CERS6: variants seen among roughly 807,000 people sequenced by gnomAD.
The protein encoded by CERS6 is LAG1 homolog, ceramide synthase 6.
In CERS6, 26 loss-of-function variants were observed where a neutral mutation model predicts 56.8. The observed-to-expected ratio is 0.46, with a 90% CI of 0.34 to 0.63. The LOEUF is 0.63. Among genes scored for constraint, CERS6 ranks in the 30% least tolerant of loss-of-function variants. The pLI is 0.01. For synonymous variants in CERS6, 164 were observed against 173.3 expected (o/e 0.95, Z 0.42); for missense variants, 415 against 467.5 (o/e 0.89, Z 1.04).
chr2:168,491,718 G>T (rs1222188309), intron 1 of CERS6, among the ~76,000 whole-genome samples: 1 of 152,014 alleles, frequency 6.6e-6, no homozygotes, highest in Non-Finnish European at 1.5e-5. Flanking sequence ...TGCCATGGTG[G>T]TTTGCTGCAC....
chr2:168,664,279 T>C (rs1171659980), intron 4 of CERS6, among the ~76,000 whole-genome samples: 2 of 152,174 alleles, frequency 1.3e-5, no homozygotes, highest in Non-Finnish European at 2.9e-5. Context: ...CTTCCTTATC[T>C]CTTCCTGCAC....
At chr2:168,583,277 G>C (rs752142193) in intron 3 of CERS6, among the ~76,000 whole-genome samples, 3 of 152,180 alleles carry the variant, frequency 2.0e-5, no homozygotes, top group Non-Finnish European at 2.9e-5. Flanking sequence ...GTTGATTGAC[G>C]GGCATGTCCT....
chr2:168,679,509 T>C (rs1037624737), intron 4 of CERS6, among the ~76,000 whole-genome samples: 10 of 152,220 alleles, frequency 6.6e-5, no homozygotes, highest in African/African-American at 2.4e-4. Flanking sequence ...TATTAGGGGT[T>C]GTTAAAATAG....
intron 3 of CERS6, among the ~76,000 whole-genome samples, chr2:168,578,341 A>G (rs1414658498): frequency 6.6e-6 from 1 of 152,136 alleles, no homozygotes; most frequent in Non-Finnish European, 1.5e-5. Flanking sequence ...CCATGTTCAT[A>G]AAGTACTTTT....
chr2:168,626,212 C>A (rs1205282310), intron 3 of CERS6, among the ~76,000 whole-genome samples: 1 of 152,080 alleles, frequency 6.6e-6, no homozygotes, highest in East Asian at 1.9e-4. Flanking sequence ...TAAATGACTT[C>A]CTATTTGTAA....
At position 168,488,202 on chromosome 2, in the gene CERS6, A is replaced by G. The variant is rs188522450; in HGVS notation, c.170+31584A>G. Among the ~76,000 whole-genome samples the G allele has an allele frequency of 2.6e-4, 39 of 152,282 alleles. No homozygotes were observed. The East Asian group carries it at 7.5e-3, about 29-fold the overall frequency. On this transcript the variant is annotated intron_variant, in intron 1 of 9. Transcript: ENST00000305747. ...GATGGTAAGTTCATAAAGTGAAGGG[A>G]TATGTTGATATATTTTATAAATTGT...
intron 3 of CERS6, among the ~76,000 whole-genome samples, chr2:168,585,081 T>C (rs1337275679): frequency 6.6e-6 from 1 of 152,258 alleles, no homozygotes; most frequent in African/African-American, 2.4e-5. Flanking sequence ...ATTCTTCCAG[T>C]TGAAGTGGTA....
At chr2:168,668,702 C>T (rs968692188) in intron 4 of CERS6, among the ~76,000 whole-genome samples, 10 of 152,132 alleles carry the variant, frequency 6.6e-5, no homozygotes, top group Admixed American at 2.6e-4. Context: ...AATCTGCCCA[C>T]CTCGGCCTCC....
chr2:168,733,648 A>C (rs1683620179), intron 8 of CERS6, among the ~76,000 whole-genome samples: 1 of 152,230 alleles, frequency 6.6e-6, no homozygotes. Flanking sequence ...AAGTTAAGAG[A>C]TAAGCAGCTC....
At chr2:168,746,775 G>GTACATATA in intron 8 of CERS6, among the ~76,000 whole-genome samples, 1 of 39,034 alleles carries the variant, frequency 2.6e-5, no homozygotes, top group African/African-American at 7.7e-5. Context: ...AGGGTAAAGG[G>GTACATATA]TATATATATA....
At chr2:168,459,607 T>C (rs370507798) in intron 1 of CERS6, among the ~76,000 whole-genome samples, 31 of 152,074 alleles carry the variant, frequency 2.0e-4, no homozygotes, top group African/African-American at 7.0e-4. Context: ...TAGCGACCAA[T>C]TGATTGACAG....
chr2:168,517,519 A>T lies in CERS6; in HGVS notation c.171-30077A>T, dbSNP rs1199340729. ...AAAATAAATAAATAAATAAATAAAT[A>T]AATAATAAAATAAAATAAACATTAA... On this transcript the variant is annotated intron_variant, in intron 1 of 9. Transcript: ENST00000305747. Among the ~76,000 whole-genome samples, 10 of 148,640 alleles carry T rather than the reference A, an allele frequency of 6.7e-5. No homozygotes were observed. The East Asian group carries it at 1.1e-3, about 16-fold the overall frequency.
intron 1 of CERS6, among the ~76,000 whole-genome samples, chr2:168,485,199 T>C (rs1229080575): frequency 6.6e-6 from 1 of 152,006 alleles, no homozygotes; most frequent in Non-Finnish European, 1.5e-5. Flanking sequence ...GTTAATAGAT[T>C]ATTGTTTTAA....
intron 2 of CERS6, among the ~76,000 whole-genome samples, chr2:168,553,847 G>A (rs939319550): frequency 6.6e-6 from 1 of 152,172 alleles, no homozygotes; most frequent in Non-Finnish European, 1.5e-5. Context: ...AGCAATAACT[G>A]AGTAGAAGGG....
intron 6 of CERS6, among the ~76,000 whole-genome samples, chr2:168,702,199 T>G (rs1686822330): frequency 6.6e-6 from 1 of 152,166 alleles, no homozygotes; most frequent in Admixed American, 6.5e-5. Flanking sequence ...AAACCTCTCT[T>G]CTTGAGTATA....
chr2:168,603,333 G>A (rs1455456669), intron 3 of CERS6, among the ~76,000 whole-genome samples: 4 of 152,170 alleles, frequency 2.6e-5, no homozygotes, highest in Non-Finnish European at 5.9e-5. Flanking sequence ...CAGTGAGGGA[G>A]GTAAGTGAGG....
chr2:168,516,705 T>C (rs2105353751), intron 1 of CERS6, among the ~76,000 whole-genome samples: 1 of 152,324 alleles, frequency 6.6e-6, no homozygotes, highest in South Asian at 2.1e-4. Context: ...AGCTAAGAGT[T>C]GTTATTTGAT....
chr2:168,638,419 C>G (rs984970105), intron 4 of CERS6, among the ~76,000 whole-genome samples: 1 of 130,828 alleles, frequency 7.6e-6, no homozygotes, highest in Non-Finnish European at 1.7e-5. Flanking sequence ...TTGACCATTG[C>G]ACATCGTATC....
chr2:168,618,135 C>T (rs568260022), intron 3 of CERS6, among the ~76,000 whole-genome samples: 18 of 152,170 alleles, frequency 1.2e-4, no homozygotes, highest in African/African-American at 3.1e-4. Context: ...AAAAATCACA[C>T]GATCATCTCA....
Sources: gnomAD v4.1 joint callset for allele counts (sites outside exome capture counted in the v4.1 genomes callset) on GRCh38, gnomAD v4.1.1 for gene constraint, MANE v1.5 for transcripts, NCBI Gene and HGNC (gene_info 2026-07-23, HGNC 2026-07-21) for gene names.